Variants in CACNB2 observed in about 807,000 individuals in gnomAD.
CACNB2 encodes the protein voltage-dependent L-type calcium channel subunit beta-2.
A neutral mutation model predicts 73.3 loss-of-function variants in CACNB2; 42 were observed. The ratio of observed to expected loss-of-function variants is 0.57; its 90% confidence interval spans 0.45 to 0.74. The LOEUF (loss-of-function observed/expected upper bound fraction) is 0.74, where lower values mean the gene tolerates loss of function less well. Among genes scored for constraint, CACNB2 ranks in the 30% least tolerant of loss-of-function variants. CACNB2 has a pLI of 0.00. For synonymous variants in CACNB2, 348 were observed against 310.3 expected (o/e 1.12, Z -1.28); for missense variants, 940 against 853.0 (o/e 1.10, Z -1.27).
At chr10:18,538,663 TG>T in intron 13 of CACNB2, among the ~76,000 whole-genome samples, 1 of 152,294 alleles carries the variant, frequency 6.6e-6, no homozygotes, top group Admixed American at 6.5e-5. Flanking sequence ...GTGGATAACC[TG>T]GGGCAAATTT....
chr10:18,267,619 A>G (rs1047794315), intron 2 of CACNB2, among the ~76,000 whole-genome samples: 6 of 152,216 alleles, frequency 3.9e-5, no homozygotes, highest in Admixed American at 6.5e-5. Flanking sequence ...AAAGAAAACA[A>G]AAAAATAAAA....
chr10:18,401,784 T>G, intron 2 of CACNB2, 140 bp from the exon 3 acceptor site: 1 of 813,080 alleles, frequency 1.2e-6, no homozygotes, highest in Non-Finnish European at 2.1e-6. Context: ...TCTAGATAGG[T>G]TGCTGCAAAA....
intron 6 of CACNB2, among the ~76,000 whole-genome samples, chr10:18,508,356 A>C (rs900487165): frequency 1.5e-4 from 23 of 152,178 alleles, no homozygotes; most frequent in African/African-American, 5.5e-4. Context: ...TTCCCTTGAT[A>C]ATTACGGAGC....
intron 3 of CACNB2, among the ~76,000 whole-genome samples, chr10:18,442,983 T>TATATAC (rs2046527248): frequency 1.2e-4 from 2 of 16,164 alleles, no homozygotes; most frequent in Non-Finnish European, 9.1e-5. Context: ...TATATATATA[T>TATATAC]ATGTATATAT....
intron 2 of CACNB2, among the ~76,000 whole-genome samples, chr10:18,287,748 G>A (rs2038867703): frequency 6.6e-6 from 1 of 152,148 alleles, no homozygotes; most frequent in Non-Finnish European, 1.5e-5. Context: ...TACTTAAGAG[G>A]CTGAGTTGGG....
intron 2 of CACNB2, among the ~76,000 whole-genome samples, chr10:18,265,532 C>T (rs1460378945): frequency 6.6e-6 from 1 of 152,020 alleles, no homozygotes; most frequent in Non-Finnish European, 1.5e-5. Context: ...AAAGAACTGG[C>T]AAGGAGAAAA....
chr10:18,444,626 A>G (rs7091297), intron 3 of CACNB2, among the ~76,000 whole-genome samples: 30,886 of 152,004 alleles, frequency 0.2, 3,373 homozygotes, highest in Non-Finnish European at 0.24. Flanking sequence ...CAACCTACGT[A>G]TTTAGTACTA....
At chr10:18,530,691 T>C (rs938760968) in intron 10 of CACNB2, among the ~76,000 whole-genome samples, 6 of 152,220 alleles carry the variant, frequency 3.9e-5, no homozygotes, top group Admixed American at 2.6e-4. Flanking sequence ...CACACTCTTA[T>C]AAAGTTGAAA....
chr10:18,203,440 C>T lies in CACNB2; in HGVS notation c.213+52465C>T, dbSNP rs547060769. On this transcript the variant is annotated intron_variant, in intron 2 of 13. Coordinates refer to ENST00000324631, the MANE Select transcript of CACNB2 (RefSeq NM_201596.3). ...CTTGTCCTTTGTATCCTTTGGGTAA[C>T]ACACCGTGAGTGAGAGCAGAAAAGC... Among the ~76,000 whole-genome samples, 8 of 152,294 alleles carry T rather than the reference C, an allele frequency of 5.3e-5. 1 individual carries two copies. In the East Asian group the frequency reaches 1.2e-3, roughly 22 times the overall value.
intron 2 of CACNB2, among the ~76,000 whole-genome samples, chr10:18,214,848 A>G (rs112188601): frequency 8.5e-5 from 13 of 152,246 alleles, no homozygotes; most frequent in African/African-American, 3.1e-4. Flanking sequence ...GTGTGGCAAC[A>G]ACTGGGATGG....
chr10:18,213,330 A>C (rs780349444), intron 2 of CACNB2, among the ~76,000 whole-genome samples: 3 of 152,148 alleles, frequency 2.0e-5, no homozygotes, highest in Non-Finnish European at 4.4e-5. Context: ...GTGATTTCTC[A>C]TGCCTTTGAT....
At position 18,500,873 on chromosome 10, in the gene CACNB2, T is replaced by C. The variant is rs776436433; in HGVS notation, c.518T>C (p.Ile173Thr). Reference protein sequence around the residue: ...LVKEGCEIGFIPSPVKLENMR... With the variant: ...LVKEGCEIGFTPSPVKLENMR... ...AAAGAAGGCTGTGAAATCGGATTCA[T>C]TCCAAGCCCAGTCAAACTAGAAAAC... The change falls in exon 5 of 14, where the codon ATT becomes ACT. Residue 173 changes from isoleucine (I) to threonine (T), a missense_variant. Coordinates refer to ENST00000324631, the MANE Select transcript of CACNB2 (RefSeq NM_201596.3). 6.2e-7 allele frequency: 1 copy of C among 1,614,040 alleles called. No individual in the cohort carries two copies. Among genetic ancestry groups the C allele is most frequent in the South Asian group, 1.1e-5 (1 of 91,074 alleles).
At chr10:18,266,384 A>G (rs1356901801) in intron 2 of CACNB2, among the ~76,000 whole-genome samples, 1 of 152,174 alleles carries the variant, frequency 6.6e-6, no homozygotes, top group Non-Finnish European at 1.5e-5. Context: ...AAATAATGGG[A>G]TTATAATTAA....
intron 2 of CACNB2, among the ~76,000 whole-genome samples, chr10:18,320,121 A>G (rs944476566): frequency 1.3e-5 from 2 of 152,064 alleles, no homozygotes; most frequent in African/African-American, 4.8e-5. Context: ...AGGACCTGTC[A>G]GCTCCTCCAT....
intron 3 of CACNB2, among the ~76,000 whole-genome samples, chr10:18,422,362 T>C (rs1171191610): frequency 6.6e-6 from 1 of 152,238 alleles, no homozygotes; most frequent in Non-Finnish European, 1.5e-5. Context: ...AACCTACGGA[T>C]GCCCGATTGT....
At chr10:18,438,365 A>C (rs1475742684) in intron 3 of CACNB2, among the ~76,000 whole-genome samples, 3 of 152,002 alleles carry the variant, frequency 2.0e-5, no homozygotes, top group Non-Finnish European at 4.4e-5. Context: ...CTGCTAAAGC[A>C]TTCCTATGCC....
intron 3 of CACNB2, among the ~76,000 whole-genome samples, chr10:18,448,161 T>C (rs2046828497): frequency 6.6e-6 from 1 of 152,046 alleles, no homozygotes; most frequent in Non-Finnish European, 1.5e-5. Context: ...CTGGACCTAC[T>C]ACTAAAATCC....
chr10:18,261,367 C>T lies in CACNB2; in HGVS notation c.213+110392C>T, dbSNP rs145811885. On this transcript the variant is annotated intron_variant, in intron 2 of 13. Coordinates refer to ENST00000324631, the MANE Select transcript of CACNB2 (RefSeq NM_201596.3). Reference sequence around the variant, plus strand: ...GCAGCTGGGAGCTGAAAATACTATTCGTGTCTGTCTGGTGCATGTTGCCTC... The same window carrying T: ...GCAGCTGGGAGCTGAAAATACTATTTGTGTCTGTCTGGTGCATGTTGCCTC... 8,931 of 1,551,286 alleles carry T rather than the reference C, an allele frequency of 5.8e-3. 134 individuals are homozygous for T. The highest frequency in any genetic ancestry group is 0.039 in the East Asian group (1,605 of 40,910).
intron 3 of CACNB2, among the ~76,000 whole-genome samples, chr10:18,459,245 T>C (rs76927282): frequency 0.026 from 3,948 of 152,326 alleles, 150 homozygotes; most frequent in African/African-American, 0.079. Flanking sequence ...TCTCATGTCC[T>C]AATGACACTA....
Sources: allele counts gnomAD v4.1 joint callset (sites outside exome capture counted in the v4.1 genomes callset), GRCh38; gene constraint gnomAD v4.1.1; transcripts MANE v1.5; gene names NCBI Gene and HGNC (gene_info 2026-07-23, HGNC 2026-07-21).